Variants in STRIP2 observed in about 807,000 individuals in gnomAD.
STRIP2 encodes the protein striatin-interacting protein 2.
A neutral mutation model predicts 107.1 loss-of-function variants in STRIP2; 84 were observed. The ratio of observed to expected loss-of-function variants is 0.78; its 90% CI spans 0.66 to 0.94. STRIP2 has a LOEUF of 0.94. Among genes scored for constraint, STRIP2 ranks in the 40% least tolerant of loss-of-function variants. The pLI, the probability that STRIP2 is intolerant of heterozygous loss-of-function variation, is 0.00. For synonymous variants in STRIP2, 394 were observed against 400.4 expected, an observed-to-expected ratio of 0.98 and a Z score of 0.19; for missense variants, 888 against 1,034.2, an observed-to-expected ratio of 0.86 and a Z score of 1.94.
At chr7:129,477,168 A>G (rs1235786939) in intron 18 of STRIP2, among the ~76,000 whole-genome samples, 1 of 93,202 alleles carries the variant, frequency 1.1e-5, no homozygotes. Flanking sequence ...GACCGTGGAA[A>G]GAGGGAGAGG....
intron 3 of STRIP2, among the ~76,000 whole-genome samples, chr7:129,449,808 A>G (rs891502127): frequency 2.6e-5 from 4 of 152,178 alleles, no homozygotes; most frequent in Non-Finnish European, 4.4e-5. Context: ...TCTCTGCAGG[A>G]GATAAGACTC....
rs1302003409 is a variant in STRIP2 at position 129,459,702 on chromosome 7, TC to T, written c.1404+124del. On this transcript the variant is annotated intron_variant, in intron 12 of 20. Transcript: ENST00000249344. ...ACTCTTTCTGGACCTTCTGCATTCC[TC>T]CTGCAGTCCTTTGGCCAAATAGGAA... 1.2e-5 allele frequency: 9 copies of T among 735,466 alleles called. No homozygotes were observed. The Admixed American group carries it at 2.2e-4, about 18-fold the overall frequency. 45.6% of individuals were successfully genotyped at this position (735,466 alleles called of 1,614,324 possible).
intron 18 of STRIP2, among the ~76,000 whole-genome samples, chr7:129,479,461 G>C (rs913642656): frequency 1.0e-4 from 15 of 150,584 alleles, no homozygotes; most frequent in African/African-American, 3.7e-4. Flanking sequence ...TTTACTGTAT[G>C]ATGGAGAATA....
At chr7:129,463,473 C>T (rs1045545303) in intron 14 of STRIP2, among the ~76,000 whole-genome samples, 1 of 152,100 alleles carries the variant, frequency 6.6e-6, no homozygotes, top group Non-Finnish European at 1.5e-5. Flanking sequence ...TCTGTTCCTT[C>T]CATCTTCCCC....
chr7:129,456,415 G>T, intron 8 of STRIP2, 24 bp from the exon 9 acceptor site: 1 of 1,608,574 alleles, frequency 6.2e-7, no homozygotes. Context: ...CTCTCTCTCT[G>T]CCCCTTTCCT....
intron 3 of STRIP2, among the ~76,000 whole-genome samples, chr7:129,448,385 G>A (rs1798093424): frequency 6.6e-6 from 1 of 152,132 alleles, no homozygotes; most frequent in Admixed American, 6.6e-5. Context: ...GGGGAAGGAT[G>A]GGAGAAAAAT....
Position 129,482,950 on chromosome 7 carries a change from C to T in STRIP2, c.2158C>T (p.Leu720=). Residue 720 remains leucine (L), a synonymous_variant, in exon 20 of 21, where the codon CTG becomes TTG. Coordinates refer to ENST00000249344, the MANE Select transcript of STRIP2 (RefSeq NM_020704.3). ...LKLLKLQTKY[L]GRQWRKSNMK... ...GCTACTAAAGTTACAGACCAAGTAC[C>T]TGGGGCGCCAATGGAGGAAAAGCAA... is the stretch of plus-strand genomic sequence containing the variant. 1 of 1,614,140 alleles carries T rather than the reference C, an allele frequency of 6.2e-7. No individual in the cohort carries two copies. The highest frequency in any genetic ancestry group is 8.5e-7 in the Non-Finnish European group (1 of 1,180,032).
chr7:129,478,673 G>A (rs530089665), intron 18 of STRIP2, among the ~76,000 whole-genome samples: 104 of 152,088 alleles, frequency 6.8e-4, no homozygotes, highest in Non-Finnish European at 1.4e-3. Context: ...TGTAAATCAC[G>A]GAATTATAGA....
In STRIP2 at chr7:129,458,915, CT is replaced by C. The variant is rs1406842996; in HGVS notation, c.1340+139del. ...CTAGGCCATGGACAACTCCCAGTGA[CT>C]ACTTTGGGTTCTTTCTATGGATTTC... On this transcript the variant is annotated intron_variant, in intron 11 of 20. Transcript: ENST00000249344. The surrounding 1 kb of genome is among the most constrained non-coding windows in gnomAD (Gnocchi z 4.6). The C allele has an allele frequency of 9.8e-6, 7 of 711,090 alleles. No homozygotes were observed. In the East Asian group the frequency reaches 1.6e-4, roughly 16 times the overall value. The allele number at this position is 711,090 out of a possible 1,614,324, so 44.0% of individuals were successfully genotyped here.
At chr7:129,465,943 G>A (rs901757647) in intron 16 of STRIP2, among the ~76,000 whole-genome samples, 3 of 152,216 alleles carry the variant, frequency 2.0e-5, no homozygotes, top group Admixed American at 6.5e-5. Context: ...TATGTCCATG[G>A]CCCTATCAAC....
intron 2 of STRIP2, among the ~76,000 whole-genome samples, chr7:129,443,379 T>G (rs900257397): frequency 2.0e-5 from 3 of 152,204 alleles, no homozygotes; most frequent in Non-Finnish European, 4.4e-5. Flanking sequence ...CTTTTTGCAT[T>G]TTGTATTGAG....
In STRIP2 at chr7:129,476,314, GGCGGAGGGGCTCCTCAC is replaced by G. The variant is rs1267181647; in HGVS notation, c.1945-4470_1945-4454del. The stretch of plus-strand genomic sequence containing the variant: ...CACTTCCCAGATGCGGCGGCTGCCG[GGCGGAGGGGCTCCTCAC>G]TTCTCAGACGGGGCGGCTGCCGGGC... On this transcript the variant is annotated intron_variant, in intron 18 of 20. Transcript: ENST00000249344. 1.1e-4 allele frequency among the ~76,000 whole-genome samples: 16 copies of G among 149,486 alleles called. 1 individual carries two copies. Among genetic ancestry groups the G allele is most frequent in the African/African-American group, 2.5e-4 (10 of 40,774 alleles).
chr7:129,446,822 T>C lies in STRIP2; in HGVS notation c.274+2724T>C, dbSNP rs541313031. ...CGTATATACCACTTCCATTTGATGATGGAATGCTGCTGTGCACGACCCACT... is the reference window on the plus strand; with the variant it reads ...CGTATATACCACTTCCATTTGATGACGGAATGCTGCTGTGCACGACCCACT... On this transcript the variant is annotated intron_variant, in intron 3 of 20. Transcript: ENST00000249344. Among the ~76,000 whole-genome samples the C allele has an allele frequency of 2.0e-5, 3 of 152,298 alleles. No individual in the cohort carries two copies. In the East Asian group the frequency reaches 5.8e-4, roughly 29 times the overall value.
At chr7:129,463,977 G>T in intron 14 of STRIP2, 67 bp from the exon 15 acceptor site, 1 of 1,270,674 alleles carries the variant, frequency 7.9e-7, no homozygotes, top group East Asian at 2.3e-5. Flanking sequence ...CGGTTAGGGT[G>T]TGGAAGAATC....
chr7:129,452,386 T>TA (rs546624435), intron 4 of STRIP2, among the ~76,000 whole-genome samples: 21 of 148,802 alleles, frequency 1.4e-4, no homozygotes, highest in African/African-American at 3.2e-4. Flanking sequence ...AGTTGGGAGC[T>TA]AAAAAAAAAA....
intron 2 of STRIP2, among the ~76,000 whole-genome samples, chr7:129,443,137 C>T (rs1438455323): frequency 1.3e-5 from 2 of 151,482 alleles, no homozygotes; most frequent in African/African-American, 4.9e-5. Context: ...AACTCCTAAG[C>T]TCAAACGATC....
At chr7:129,454,596 TAGGAG>T in intron 7 of STRIP2, 69 bp downstream of exon 7, 4 of 972,856 alleles carry the variant, frequency 4.1e-6, no homozygotes, top group Non-Finnish European at 6.6e-6. Flanking sequence ...AGCATCTGCC[TAGGAG>T]AGGCAGACAG....
Position 129,467,482 on chromosome 7 carries a change from G to C in STRIP2, c.1877+32G>C, listed in dbSNP as rs1411000681. 2.0e-6 allele frequency: 3 copies of C among 1,531,716 alleles called. No individual in the cohort carries two copies. In the Admixed American group the frequency reaches 5.1e-5, roughly 26 times the overall value. 94.9% of individuals were successfully genotyped at this position (1,531,716 alleles called of 1,614,324 possible). A position where few individuals can be genotyped will look rare whatever the true frequency, so the allele number is the denominator to read the frequency against. ...ACTCTGGACAGGTTTATTTCAAGGG[G>C]CTATTTTGGGGTGGTTGAGAAAATT... is the stretch of plus-strand genomic sequence containing the variant. On this transcript the variant is annotated intron_variant, in intron 17 of 20. Transcript: ENST00000249344.
At chr7:129,470,533 A>C (rs995353700) in intron 17 of STRIP2, 116 bp from the exon 18 acceptor site, 2 of 810,028 alleles carry the variant, frequency 2.5e-6, no homozygotes, top group Admixed American at 4.0e-5. Context: ...GTCACTAAGC[A>C]ATTTGGGAAA....
Sources: allele counts gnomAD v4.1 joint callset (sites outside exome capture counted in the v4.1 genomes callset), GRCh38; gene constraint gnomAD v4.1.1; non-coding constraint Gnocchi (gnomAD v3.1); transcripts MANE v1.5; gene names NCBI Gene and HGNC (gene_info 2026-07-23, HGNC 2026-07-21).